Variants in PAPLN observed in about 807,000 individuals in gnomAD.
The protein encoded by PAPLN is papilin, proteoglycan like sulfated glycoprotein, also known as papilin.
PAPLN carries 146 observed loss-of-function variants against 159.0 expected under a neutral mutation model. That is an observed-to-expected ratio of 0.92 (90% CI 0.80 to 1.05). The LOEUF (loss-of-function observed/expected upper bound fraction) is 1.05. Among genes scored for constraint, PAPLN ranks in the 50% least tolerant of loss-of-function variants. The probability of loss-of-function intolerance (pLI) is 0.00; values close to 1 mark genes in which losing one functional copy is unlikely to be tolerated. For missense variants in PAPLN, 1,720 were observed against 1,743.9 expected (o/e 0.99, Z 0.24); for synonymous variants, 734 against 702.9 (o/e 1.04, Z -0.70).
In PAPLN at chr14:73,246,138, C is replaced by T. The variant is rs1274934549; in HGVS notation, c.297C>T (p.Phe99=). 4.4e-6 allele frequency: 7 copies of T among 1,590,042 alleles called. No individual in the cohort carries two copies. The African/African-American group carries it at 9.7e-5, about 22-fold the overall frequency. The change falls in exon 5 of 27, where the codon TTC becomes TTT. Residue 99 remains phenylalanine (F), a synonymous_variant. Coordinates refer to ENST00000644200, the MANE Select transcript of PAPLN (RefSeq NM_001365906.3). ...GCGCGGAGTTCGACGGAGCGGAGTT[C>T]CAGGGGCGGCGGTATCGGTGGCTGC... ...EQCAEFDGAE[F]QGRRYRWLPY... is the part of the protein sequence containing the mutation.
Position 73,262,446 on chromosome 14 carries a change from G to C in PAPLN, c.2342G>C (p.Arg781Pro). ...YFVASVGQCN[R>P]FWYGGCHGNA... ...GTTGCCTCTGTGGGCCAATGTAACC[G>C]CTTCTGGTATGGCGGCTGCCATGGC... Residue 781 changes from arginine (R) to proline (P), a missense_variant, in exon 19 of 27, where the codon CGC (arginine) becomes CCC (proline). By Grantham distance (103) the Arg-to-Pro change is moderately radical. Transcript: ENST00000644200. 6.2e-7 allele frequency: 1 copy of C among 1,613,662 alleles called. No homozygotes were observed. The highest frequency in any genetic ancestry group is 8.5e-7 in the Non-Finnish European group (1 of 1,179,770).
chr14:73,271,547 G>C (rs935459330), intron 26 of PAPLN, among the ~76,000 whole-genome samples: 1 of 151,734 alleles, frequency 6.6e-6, no homozygotes, highest in African/African-American at 2.4e-5. Context: ...TGTCACCCAG[G>C]CTGGAGTGCA....
rs1886232902 is a variant in PAPLN, at chr14:73,258,889, G to GA, written c.1628-88dup. ...CAGGCCCTGCCTGGGCAGTGGGGTAGAAGCCAGTGCTGGGCAGGGCTGGCC... is the reference window on the plus strand; with the variant it reads ...CAGGCCCTGCCTGGGCAGTGGGGTAGAAAGCCAGTGCTGGGCAGGGCTGGCC... On this transcript the variant is annotated intron_variant, in intron 14 of 26. Coordinates refer to ENST00000644200, the MANE Select transcript of PAPLN (RefSeq NM_001365906.3). The GA allele has an allele frequency of 3.2e-6, 4 of 1,237,092 alleles. No homozygotes were observed. In the Admixed American group the frequency reaches 1.4e-4, roughly 42 times the overall value. 76.6% of individuals were successfully genotyped at this position (1,237,092 alleles called of 1,614,324 possible). A position where few individuals can be genotyped will look rare whatever the true frequency, so the allele number is the denominator to read the frequency against.
chr14:73,251,924 C>T, intron 9 of PAPLN, 88 bp downstream of exon 9: 1 of 1,547,226 alleles, frequency 6.5e-7, no homozygotes, highest in South Asian at 1.2e-5. Context: ...GGTTGAGTGG[C>T]TCTGGGCTTG....
intron 22 of PAPLN, 107 bp downstream of exon 22, chr14:73,264,833 C>G (rs1039162436): frequency 6.5e-7 from 1 of 1,544,228 alleles, no homozygotes; most frequent in African/African-American, 1.4e-5. Flanking sequence ...CTTGCCAGCC[C>G]CTGCTCAGGG....
chr14:73,266,645 G>A lies in PAPLN; in HGVS notation c.3391+17G>A. The A allele has an allele frequency of 6.2e-7, 1 of 1,614,174 alleles. No individual in the cohort carries two copies. The highest frequency in any genetic ancestry group is 8.5e-7 in the Non-Finnish European group (1 of 1,180,038). Reference sequence around the variant, plus strand: ...GAGTTCTGGGTAAAGTGGCAGTCCTGAGTGGCCTTTGAGGTCAGGTGGCAT... The same window carrying A: ...GAGTTCTGGGTAAAGTGGCAGTCCTAAGTGGCCTTTGAGGTCAGGTGGCAT... On this transcript the variant is annotated intron_variant, in intron 24 of 26. Coordinates refer to ENST00000644200, the MANE Select transcript of PAPLN (RefSeq NM_001365906.3).
chr14:73,244,521 TGG>T, intron 2 of PAPLN, 121 bp from the exon 3 acceptor site: 1 of 796,554 alleles, frequency 1.3e-6, no homozygotes, highest in South Asian at 1.6e-5. Flanking sequence ...AGGTGGGCCC[TGG>T]AAGGGAGAAT....
chr14:73,252,763 C>T lies in PAPLN; in HGVS notation c.1082C>T (p.Pro361Leu), dbSNP rs148911266. ...CGTTCCTGCAATCTTCACCCTTGCC[C>T]GGAGACCAAGCGGTGAGACCTTGCC... The part of the protein sequence containing the change: ...DRRSCNLHPC[P>L]ETKRWKAGPW... Residue 361 changes from proline (P) to leucine (L), a missense_variant, in exon 11 of 27, where the codon CCG becomes CTG. Pro to Leu is a moderately conservative substitution (Grantham distance 98). Transcript: ENST00000644200. 57 of 1,613,300 alleles carry T rather than the reference C, an allele frequency of 3.5e-5. No homozygotes were observed. The highest frequency in any genetic ancestry group is 1.6e-4 in the Middle Eastern group (1 of 6,082).
chr14:73,251,849 G>A lies in PAPLN; in HGVS notation c.843+13G>A, dbSNP rs1454915914. ...CCTGGTCATCGAGGTAAATGGGGGT[G>A]TGGGGAGAGAGGGCGAGTGGGCAGC... is the stretch of plus-strand genomic sequence containing the variant. On this transcript the variant is annotated intron_variant, in intron 9 of 26. Transcript: ENST00000644200. The A allele has an allele frequency of 6.3e-7, 1 of 1,586,562 alleles. No individual in the cohort carries two copies. Among genetic ancestry groups the A allele is most frequent in the African/African-American group, 1.4e-5 (1 of 73,496 alleles).
rs1885344531 is a variant in PAPLN at position 73,252,103 on chromosome 14, A to G, written c.929A>G (p.His310Arg). Residue 310 changes from histidine to arginine, a missense_variant, in exon 10 of 27, where the codon CAC becomes CGC. His to Arg is a conservative substitution (Grantham distance 29). Coordinates refer to ENST00000644200, the MANE Select transcript of PAPLN (RefSeq NM_001365906.3). ...RRPSPGFSWSHGSWSDCSAEC... is the reference protein window; with the variant it reads ...RRPSPGFSWSRGSWSDCSAEC... ...CCCAGCCCCGGCTTCAGCTGGAGCC[A>G]CGGCTCATGGAGTGACTGCAGCGCG... 3 of 1,610,414 alleles carry G rather than the reference A, an allele frequency of 1.9e-6. No individual in the cohort carries two copies. The highest frequency in any genetic ancestry group is 2.5e-6 in the Non-Finnish European group (3 of 1,178,640).
intron 12 of PAPLN, 88 bp from the exon 13 acceptor site, chr14:73,254,425 A>G: frequency 6.6e-7 from 1 of 1,525,204 alleles, no homozygotes; most frequent in Non-Finnish European, 8.9e-7. Context: ...ATCTGCCTCC[A>G]CACCAGGCTG....
chr14:73,246,000 C>A lies in PAPLN; in HGVS notation c.232-73C>A. 4 of 1,399,934 alleles carry A rather than the reference C, an allele frequency of 2.9e-6. No individual in the cohort carries two copies. The highest frequency in any genetic ancestry group is 2.6e-5 in the East Asian group (1 of 37,942). 86.7% of individuals were successfully genotyped at this position (1,399,934 alleles called of 1,614,324 possible). ...AAGGGAGACTCCTGGGCTCCCTGGG[C>A]TCGGGCGGGGCGGGAGGTGGGCGGA... On this transcript the variant is annotated intron_variant, in intron 4 of 26. Coordinates refer to ENST00000644200, the MANE Select transcript of PAPLN (RefSeq NM_001365906.3). The surrounding 1 kb of genome is among the most constrained non-coding windows in gnomAD (Gnocchi z 4.2).
Position 73,250,127 on chromosome 14 carries a change from C to G in PAPLN, c.465+13C>G. The G allele has an allele frequency of 1.3e-6, 2 of 1,597,802 alleles. No individual in the cohort carries two copies. The highest frequency in any genetic ancestry group is 1.3e-5 in the African/African-American group (1 of 74,788). On this transcript the variant is annotated intron_variant, in intron 6 of 26. Transcript: ENST00000644200. The stretch of plus-strand genomic sequence containing the variant: ...TGGCAGCTGCCGGGTGAGTGGTGCC[C>G]CAGCCCCTCCCTGCCTCCGGGCTGC...
At chr14:73,260,206 G>C (rs889482199) in intron 16 of PAPLN, among the ~76,000 whole-genome samples, 9 of 152,200 alleles carry the variant, frequency 5.9e-5, no homozygotes, top group African/African-American at 1.9e-4. Context: ...TCGTGATGGG[G>C]TTCCTGTGAG....
chr14:73,254,047 C>T (rs1483427402), intron 12 of PAPLN, 86 bp downstream of exon 12: 24 of 1,426,878 alleles, frequency 1.7e-5, no homozygotes, highest in South Asian at 5.3e-5. Context: ...CTGTGGAAAC[C>T]GAGGTCCTGG....
intron 11 of PAPLN, chr14:73,253,231 C>T (rs755294382): frequency 2.9e-6 from 4 of 1,358,568 alleles, no homozygotes; most frequent in Admixed American, 1.9e-5. Context: ...GAACAGGTAA[C>T]CTGCAGGTCA....
At chr14:73,238,313 T>G (rs1335167768) in intron 1 of PAPLN, among the ~76,000 whole-genome samples, 1 of 152,208 alleles carries the variant, frequency 6.6e-6, no homozygotes, top group East Asian at 1.9e-4. Flanking sequence ...CCACCCTGCG[T>G]GCCCGGGGCC....
intron 11 of PAPLN, chr14:73,253,348 T>C (rs1885519458): frequency 2.2e-6 from 2 of 928,512 alleles, no homozygotes; most frequent in Admixed American, 2.3e-5. Context: ...ACAGGGCTGC[T>C]CTTTCCTCTG....
In PAPLN at chr14:73,257,904, C is replaced by A. The variant is rs570792539; in HGVS notation, c.1628-1075C>A. On this transcript the variant is annotated intron_variant, in intron 14 of 26. Transcript: ENST00000644200. The stretch of plus-strand genomic sequence containing the variant: ...TTAGCGTCCTGAGTAGCTGGGATTA[C>A]AGGTGTGTGCTACTGCGCCCAGCTA... 1.8e-3 allele frequency among the ~76,000 whole-genome samples: 272 copies of A among 152,072 alleles called. 1 individual carries two copies. The highest frequency in any genetic ancestry group is 6.3e-3 in the African/African-American group (263 of 41,480).
Sources: gnomAD v4.1 joint callset for allele counts (sites outside exome capture counted in the v4.1 genomes callset) on GRCh38, gnomAD v4.1.1 for gene constraint, Gnocchi (gnomAD v3.1) non-coding constraint, MANE v1.5 for transcripts, NCBI Gene and HGNC (gene_info 2026-07-23, HGNC 2026-07-21) for gene names.